The following SGCZ variants were observed in gnomAD, a reference collection of about 807,000 sequenced individuals.
SGCZ encodes zeta-sarcoglycan.
SGCZ carries 40 observed loss-of-function variants against 41.3 expected under a neutral mutation model. The observed-to-expected ratio is 0.97, with a 90% CI of 0.75 to 1.26. The LOEUF is 1.26. Ranked by LOEUF, SGCZ falls within the 50% of genes most tolerant of loss-of-function variation. The probability of loss-of-function intolerance (pLI) is 0.00; values close to 1 mark genes in which losing one functional copy is unlikely to be tolerated. For synonymous variants in SGCZ, 206 were observed against 137.5 expected (o/e 1.50, Z -3.49); for missense variants, 552 against 369.8 (o/e 1.49, Z -4.04).
chr8:14,625,300 A>T (rs866845127), intron 1 of SGCZ, among the ~76,000 whole-genome samples: 72 of 152,128 alleles, frequency 4.7e-4, no homozygotes, highest in African/African-American at 1.7e-3. Flanking sequence ...TCCATGGATC[A>T]TCTAGTGACA....
intron 1 of SGCZ, among the ~76,000 whole-genome samples, chr8:14,875,436 A>G (rs1018670173): frequency 6.6e-6 from 1 of 152,160 alleles, no homozygotes; most frequent in Non-Finnish European, 1.5e-5. Context: ...AGAAGGATTC[A>G]ATGGGAGGGA....
intron 1 of SGCZ, among the ~76,000 whole-genome samples, chr8:15,061,662 G>T (rs1477987207): frequency 6.6e-6 from 1 of 150,872 alleles, no homozygotes; most frequent in African/African-American, 2.4e-5. Context: ...CTTGCCATGT[G>T]AGGATACCAT....
intron 1 of SGCZ, among the ~76,000 whole-genome samples, chr8:14,757,174 T>TG (rs1292878616): frequency 6.6e-6 from 1 of 151,940 alleles, no homozygotes; most frequent in Non-Finnish European, 1.5e-5. Context: ...TCAGCCTCCC[T>TG]AGTAGCTGGG....
intron 2 of SGCZ, among the ~76,000 whole-genome samples, chr8:14,473,660 G>A (rs143449136): frequency 0.013 from 1,916 of 152,080 alleles, 15 homozygotes; most frequent in Middle Eastern, 0.027. Flanking sequence ...AAAAGCGGCC[G>A]GGCGAGGTGT....
rs180940208 is a variant in SGCZ, at chr8:15,181,780, T to G, written c.39+55805A>C. ...TTTGTGTTTCTGTCTGTATAATTCA[T>G]AACTCCATTAGGTGAATAACAGATA... On this transcript the variant is annotated intron_variant, in intron 1 of 7. Transcript: ENST00000382080. 7.9e-5 allele frequency among the ~76,000 whole-genome samples: 12 copies of G among 152,320 alleles called. No individual in the cohort carries two copies. The East Asian group carries it at 2.3e-3, about 29-fold the overall frequency.
At chr8:14,596,096 T>C (rs1223544055) in intron 1 of SGCZ, among the ~76,000 whole-genome samples, 1 of 152,192 alleles carries the variant, frequency 6.6e-6, no homozygotes, top group Admixed American at 6.5e-5. Flanking sequence ...TCCAGACAGG[T>C]TGTGGTCTTT....
chr8:14,128,739 T>C (rs937669386), intron 5 of SGCZ, among the ~76,000 whole-genome samples: 2 of 151,932 alleles, frequency 1.3e-5, no homozygotes, highest in East Asian at 1.9e-4. Context: ...ACACACACCA[T>C]TGACTACTAC....
intron 4 of SGCZ, among the ~76,000 whole-genome samples, chr8:14,188,271 A>C (rs1197797657): frequency 6.6e-6 from 1 of 152,232 alleles, no homozygotes; most frequent in Non-Finnish European, 1.5e-5. Context: ...TTATACCAGC[A>C]TCAGAAACAG....
chr8:14,783,076 T>G (rs1009133479), intron 1 of SGCZ, among the ~76,000 whole-genome samples: 2 of 152,160 alleles, frequency 1.3e-5, no homozygotes, highest in African/African-American at 2.4e-5. Flanking sequence ...CCCATGAGAT[T>G]TGGGGGCTTC....
At chr8:15,154,191 G>T (rs1020814160) in intron 1 of SGCZ, among the ~76,000 whole-genome samples, 3 of 152,192 alleles carry the variant, frequency 2.0e-5, no homozygotes, top group African/African-American at 7.2e-5. Flanking sequence ...TTTCTTTATA[G>T]CAAGGCAAAG....
intron 1 of SGCZ, among the ~76,000 whole-genome samples, chr8:14,575,870 C>A (rs1220789516): frequency 1.4e-5 from 2 of 138,618 alleles, no homozygotes; most frequent in Admixed American, 7.7e-5. Flanking sequence ...TGTGCCATTG[C>A]ACTCCAGCCT....
chr8:14,717,908 T>A (rs1218374185), intron 1 of SGCZ, among the ~76,000 whole-genome samples: 1 of 151,914 alleles, frequency 6.6e-6, no homozygotes, highest in Non-Finnish European at 1.5e-5. Context: ...AAAATCTGCA[T>A]CAGATTTATT....
At chr8:14,796,608 G>A (rs753555689) in intron 1 of SGCZ, among the ~76,000 whole-genome samples, 6 of 151,988 alleles carry the variant, frequency 3.9e-5, no homozygotes, top group Non-Finnish European at 7.4e-5. Context: ...TTCGGAATCT[G>A]GTACCTTAAA....
intron 4 of SGCZ, among the ~76,000 whole-genome samples, chr8:14,188,781 T>A (rs1340773161): frequency 1.3e-5 from 2 of 151,852 alleles, no homozygotes; most frequent in Non-Finnish European, 2.9e-5. Flanking sequence ...ATAATCCCAC[T>A]TTTTCCAGAT....
chr8:14,571,631 T>C (rs1297019403), intron 1 of SGCZ, among the ~76,000 whole-genome samples: 1 of 152,212 alleles, frequency 6.6e-6, no homozygotes, highest in Non-Finnish European at 1.5e-5. Context: ...CTCCAGAGGC[T>C]TCGAGCTCTA....
At chr8:14,237,404 G>A (rs966552029) in intron 4 of SGCZ, among the ~76,000 whole-genome samples, 188 bp downstream of exon 4, 3 of 151,694 alleles carry the variant, frequency 2.0e-5, no homozygotes, top group Non-Finnish European at 2.9e-5. Flanking sequence ...AGATGACCCC[G>A]ATTGCTTGAC....
chr8:14,107,697 G>A (rs1017132313), intron 6 of SGCZ, among the ~76,000 whole-genome samples: 16 of 152,050 alleles, frequency 1.1e-4, no homozygotes, highest in South Asian at 2.1e-4. Context: ...GGAGCACAGC[G>A]GCATGATCAT....
At chr8:14,570,465 G>A (rs1310885014) in intron 1 of SGCZ, among the ~76,000 whole-genome samples, 1 of 152,148 alleles carries the variant, frequency 6.6e-6, no homozygotes, top group Non-Finnish European at 1.5e-5. Flanking sequence ...TGCAAGGGTA[G>A]ATTCACCTAC....
At chr8:14,741,609 A>G (rs1799200703) in intron 1 of SGCZ, among the ~76,000 whole-genome samples, 1 of 152,122 alleles carries the variant, frequency 6.6e-6, no homozygotes, top group African/African-American at 2.4e-5. Context: ...CTGAAAAATC[A>G]TAACTGAAAT....
Sources: allele counts gnomAD v4.1 joint callset (sites outside exome capture counted in the v4.1 genomes callset), GRCh38; gene constraint gnomAD v4.1.1; transcripts MANE v1.5; gene names NCBI Gene and HGNC (gene_info 2026-07-23, HGNC 2026-07-21).